The following MDH1B variants were observed in gnomAD, a reference collection of about 807,000 sequenced individuals.
MDH1B encodes the protein putative malate dehydrogenase 1B.
In MDH1B, 60 loss-of-function variants were observed where a neutral mutation model predicts 61.4. The ratio of observed to expected loss-of-function variants is 0.98; its 90% CI spans 0.79 to 1.21. The LOEUF (loss-of-function observed/expected upper bound fraction) is 1.21. Among genes scored for constraint, MDH1B ranks in the 50% most tolerant of loss-of-function variants. The pLI is 0.00. For synonymous variants in MDH1B, 236 were observed against 218.7 expected (o/e 1.08, Z -0.70); for missense variants, 587 against 632.1 (o/e 0.93, Z 0.76).
chr2:206,741,854 G>A (rs768032472), intron 9 of MDH1B, among the ~76,000 whole-genome samples: 27 of 151,910 alleles, frequency 1.8e-4, no homozygotes, highest in Non-Finnish European at 2.9e-4. Context: ...AGTATGATTC[G>A]ACCTCCAAAT....
chr2:206,765,292 C>A lies in MDH1B; in HGVS notation c.-21G>T, dbSNP rs374229492. 2 of 1,589,530 alleles carry A rather than the reference C, an allele frequency of 1.3e-6. No individual in the cohort carries two copies. The highest frequency in any genetic ancestry group is 1.7e-6 in the Non-Finnish European group (2 of 1,171,712). On this transcript the variant is annotated 5_prime_UTR_variant, in exon 1 of 12. Coordinates refer to ENST00000374412, the MANE Select transcript of MDH1B (RefSeq NM_001039845.3). ...GCCATGGTCGAGAGAGACTCAGAGG[C>A]AGGGACCGCGGCTTCGCGGTTTCCT...
rs140631348 is a variant in MDH1B at position 206,746,286 on chromosome 2, C to T, written c.1356+1G>A. 2 of 1,612,112 alleles carry T rather than the reference C, an allele frequency of 1.2e-6. No homozygotes were observed. The highest frequency in any genetic ancestry group is 1.3e-5 in the African/African-American group (1 of 74,928). ...TCCCCTTGCATCTATTCTGACATTACCTGAATTAGATCACTTGTCATTCGG... is the reference window on the plus strand; with the variant it reads ...TCCCCTTGCATCTATTCTGACATTATCTGAATTAGATCACTTGTCATTCGG... On this transcript the variant is annotated splice_donor_variant, in intron 8 of 11. Transcript: ENST00000374412. LOFTEE classifies it high-confidence loss of function.
intron 9 of MDH1B, among the ~76,000 whole-genome samples, chr2:206,744,798 AC>A (rs1688002692): frequency 6.6e-6 from 1 of 151,854 alleles, no homozygotes; most frequent in South Asian, 2.1e-4. Context: ...GGTGGTGTGC[AC>A]CTGTAGTTCC....
In MDH1B at chr2:206,750,992, T is replaced by C; in HGVS notation, c.994A>G (p.Ser332Gly). The C allele has an allele frequency of 6.2e-7, 1 of 1,612,006 alleles. No individual in the cohort carries two copies. Among genetic ancestry groups the C allele is most frequent in the Non-Finnish European group, 8.5e-7 (1 of 1,178,798 alleles). The part of the protein sequence containing the change: ...LRKTRVYRYE[S>G]AIWGPLHYSR... ...TAATGAAGAGGTCCCCAAATGGCAC[T>C]CTCATATCTGTACACCCTTGTTTTT... The change falls in exon 6 of 12, where the codon AGT becomes GGT. Residue 332 changes from serine to glycine, a missense_variant. Coordinates refer to ENST00000374412, the MANE Select transcript of MDH1B (RefSeq NM_001039845.3).
At chr2:206,754,884 G>T in intron 5 of MDH1B, 125 bp downstream of exon 5, 1 of 1,095,588 alleles carries the variant, frequency 9.1e-7, no homozygotes, top group Non-Finnish European at 1.3e-6. Flanking sequence ...AGTTCTTTAT[G>T]TCTGTTTTAT....
Position 206,751,043 on chromosome 2 carries a change from T to G in MDH1B, c.943A>C (p.Ser315Arg), listed in dbSNP as rs1275307735. ...CTCAGATCAACGTAATTATTTCCAC[T>G]GATATTACCCCAAATGATCACGTCT... ...IKDVIIWGNI[S>R]GNNYVDLRKT... is the part of the protein sequence containing the mutation. Residue 315 changes from serine to arginine, a missense_variant, in exon 6 of 12, where the codon AGT becomes CGT. By Grantham distance (110) the Ser-to-Arg change is moderately radical (BLOSUM62 -1). Coordinates refer to ENST00000374412, the MANE Select transcript of MDH1B (RefSeq NM_001039845.3). The G allele has an allele frequency of 3.7e-6, 6 of 1,605,678 alleles. No homozygotes were observed. The highest frequency in any genetic ancestry group is 5.1e-6 in the Non-Finnish European group (6 of 1,174,140).
At chr2:206,748,977 A>G (rs751221797) in intron 7 of MDH1B, 43 bp downstream of exon 7, 1 of 1,565,608 alleles carries the variant, frequency 6.4e-7, no homozygotes, top group Non-Finnish European at 8.8e-7. Flanking sequence ...AGTTATAGAT[A>G]GAGGTTTTAA....
Position 206,745,626 on chromosome 2 carries a change from T to C in MDH1B, c.1404A>G (p.Gln468=). The change falls in exon 9 of 12, where the codon CAA becomes CAG. Residue 468 remains glutamine, a synonymous_variant. Coordinates refer to ENST00000374412, the MANE Select transcript of MDH1B (RefSeq NM_001039845.3). ...ACATCACGTCTAAGAGCTTACCTGA[T>C]TGGTATGGCTGAAAATGTATCTTGT... ...LGDKIHFQPY[Q]SGHKDLVPDE... 1.2e-6 allele frequency: 2 copies of C among 1,610,690 alleles called. No homozygotes were observed. Among genetic ancestry groups the C allele is most frequent in the Non-Finnish European group, 1.7e-6 (2 of 1,177,964 alleles).
intron 1 of MDH1B, among the ~76,000 whole-genome samples, chr2:206,764,164 G>C (rs1259410878): frequency 6.6e-6 from 1 of 152,086 alleles, no homozygotes; most frequent in Non-Finnish European, 1.5e-5. Flanking sequence ...TGGGCATGCT[G>C]GTGTATGCCT....
At position 206,747,881 on chromosome 2, in the gene MDH1B, G is replaced by C. The variant is rs184257471; in HGVS notation, c.1216+1139C>G. Among the ~76,000 whole-genome samples, 181 of 152,072 alleles carry C rather than the reference G, an allele frequency of 1.2e-3. 1 individual carries two copies. Among genetic ancestry groups the C allele is most frequent in the Middle Eastern group, 3.4e-3 (1 of 294 alleles). On this transcript the variant is annotated intron_variant, in intron 7 of 11. Transcript: ENST00000374412. ...ATTGGGAAGGATGACAGTACATTCA[G>C]TCTGGTATATGTTGGATGGAAGTGA... is the stretch of plus-strand genomic sequence containing the variant.
At chr2:206,753,863 AC>A (rs1370725491) in intron 5 of MDH1B, among the ~76,000 whole-genome samples, 4 of 151,282 alleles carry the variant, frequency 2.6e-5, no homozygotes, top group African/African-American at 9.7e-5. Context: ...AAAGCCCCCA[AC>A]CCCCCTCAAC....
intron 10 of MDH1B, 54 bp downstream of exon 10, chr2:206,740,998 AAT>A (rs1222637153): frequency 5.6e-6 from 9 of 1,608,432 alleles, no homozygotes; most frequent in Non-Finnish European, 7.6e-6. Context: ...ACAACTGGAC[AAT>A]ATGAGTCACG....
chr2:206,765,310 G>A lies in MDH1B; in HGVS notation c.-39C>T. The A allele has an allele frequency of 1.9e-6, 3 of 1,576,436 alleles. No homozygotes were observed. The highest frequency in any genetic ancestry group is 2.6e-6 in the Non-Finnish European group (3 of 1,166,204). ...TCAGAGGCAGGGACCGCGGCTTCGCGGTTTCCTGGCAACCACGCAGCCAAG... is the reference window on the plus strand; with the variant it reads ...TCAGAGGCAGGGACCGCGGCTTCGCAGTTTCCTGGCAACCACGCAGCCAAG... On this transcript the variant is annotated 5_prime_UTR_variant, in exon 1 of 12. Coordinates refer to ENST00000374412, the MANE Select transcript of MDH1B (RefSeq NM_001039845.3).
chr2:206,747,602 C>G (rs535443934), intron 7 of MDH1B, among the ~76,000 whole-genome samples: 1 of 152,210 alleles, frequency 6.6e-6, no homozygotes, highest in East Asian at 1.9e-4. Context: ...AGAGGTGGCC[C>G]AGAAAAAGCC....
At chr2:206,749,236 A>G in intron 6 of MDH1B, 53 bp from the exon 7 acceptor site, 1 of 1,542,700 alleles carries the variant, frequency 6.5e-7, no homozygotes, top group East Asian at 2.3e-5. Flanking sequence ...TTAAAGAGAA[A>G]AAGGATGTTC....
At chr2:206,763,544 G>C (rs559436760) in intron 1 of MDH1B, among the ~76,000 whole-genome samples, 1 of 151,966 alleles carries the variant, frequency 6.6e-6, no homozygotes, top group Non-Finnish European at 1.5e-5. Context: ...ATAAAATTCA[G>C]ATTTGATTAG....
intron 5 of MDH1B, among the ~76,000 whole-genome samples, chr2:206,752,484 C>T (rs1688507067): frequency 6.6e-6 from 1 of 152,142 alleles, no homozygotes; most frequent in Non-Finnish European, 1.5e-5. Flanking sequence ...TCTCCCTCCA[C>T]CACCCAACTC....
At chr2:206,756,498 G>C (rs780723739) in intron 4 of MDH1B, 2 of 172,472 alleles carry the variant, frequency 1.2e-5, no homozygotes, top group Admixed American at 5.8e-5. Context: ...ACATGAGAAG[G>C]AGAAAAGCAA....
chr2:206,740,371 T>TA (rs1315595509), intron 10 of MDH1B, among the ~76,000 whole-genome samples: 1 of 152,184 alleles, frequency 6.6e-6, no homozygotes, highest in African/African-American at 2.4e-5. Context: ...AGAGAAAATA[T>TA]ATTTACTATT....
Sources: allele counts gnomAD v4.1 joint callset (sites outside exome capture counted in the v4.1 genomes callset), GRCh38; gene constraint gnomAD v4.1.1; transcripts MANE v1.5; gene names NCBI Gene and HGNC (gene_info 2026-07-23, HGNC 2026-07-21).